Variants in HRG observed in about 807,000 individuals in gnomAD.
HRG encodes the protein histidine rich glycoprotein.
HRG carries 26 observed loss-of-function variants against 29.5 expected under a neutral mutation model. The observed-to-expected ratio is 0.88, with a 90% CI of 0.65 to 1.22. The LOEUF (loss-of-function observed/expected upper bound fraction) is 1.22, where lower values mean the gene tolerates loss of function less well. HRG is among the 50% of genes most tolerant of loss of function. The pLI is 0.00. For synonymous variants in HRG, 243 were observed against 240.4 expected, an observed-to-expected ratio of 1.01 and a Z score of -0.10; for missense variants, 671 against 654.5, an observed-to-expected ratio of 1.03 and a Z score of -0.28.
At chr3:186,666,397 C>T (rs1213599330) in intron 1 of HRG, among the ~76,000 whole-genome samples, 183 bp downstream of exon 1, 1 of 152,232 alleles carries the variant, frequency 6.6e-6, no homozygotes, top group Non-Finnish European at 1.5e-5. Context: ...TTAGTGTACC[C>T]GCAACTATGA....
At chr3:186,676,912 ATC>A in intron 6 of HRG, 133 bp from the exon 7 acceptor site, 1 of 962,312 alleles carries the variant, frequency 1.0e-6, no homozygotes, top group South Asian at 1.4e-5. Flanking sequence ...CAATTTGAGA[ATC>A]TTTTTTCGTA....
intron 3 of HRG, among the ~76,000 whole-genome samples, chr3:186,671,240 GA>G (rs1350886679): frequency 7.1e-4 from 4 of 5,604 alleles, no homozygotes; most frequent in Non-Finnish European, 9.3e-4. Flanking sequence ...CTAAATATAT[GA>G]TTATATAATA....
At chr3:186,668,913 T>G in intron 1 of HRG, 22 bp from the exon 2 acceptor site, 1 of 1,307,068 alleles carries the variant, frequency 7.7e-7, no homozygotes, top group Non-Finnish European at 1.1e-6. Context: ...GCTACTCACA[T>G]GTTGCTTTTG....
chr3:186,677,393 G>GACACCATCCCCATGC lies in HRG; in HGVS notation c.1098_1112dup (p.Ala368_His372dup). ...CATTCCCATGAACAGCATCCCCACG[G>GACACCATCCCCATGC]ACACCATCCCCATGCACACCATCCT... is the stretch of plus-strand genomic sequence containing the variant. On this transcript the variant is annotated inframe_insertion, in exon 7 of 7. Transcript: ENST00000232003. 1 of 1,611,842 alleles carries GACACCATCCCCATGC rather than the reference G, an allele frequency of 6.2e-7. No homozygotes were observed. Among genetic ancestry groups the GACACCATCCCCATGC allele is most frequent in the Non-Finnish European group, 8.5e-7 (1 of 1,179,090 alleles).
At chr3:186,669,451 AT>A in intron 2 of HRG, 2 of 338,504 alleles carry the variant, frequency 5.9e-6, no homozygotes, top group Non-Finnish European at 1.1e-5. Context: ...CAATGGTCCT[AT>A]TTTCAGGAAT....
In HRG at chr3:186,666,338, C is replaced by T. The variant is rs947973355; in HGVS notation, c.183+124C>T. 32 of 913,598 alleles carry T rather than the reference C, an allele frequency of 3.5e-5. No individual in the cohort carries two copies. The African/African-American group carries it at 4.3e-4, about 12-fold the overall frequency. The allele number at this position is 913,598 out of a possible 1,614,324, so 56.6% of individuals were successfully genotyped here. ...TTGGTCAGAGTTTTTTGTTTGGCTT[C>T]TGCGGCTGCTCTAAATTGTTCTTTT... On this transcript the variant is annotated intron_variant, in intron 1 of 6. Transcript: ENST00000232003.
At chr3:186,673,777 C>G (rs1718883500) in intron 5 of HRG, 1 of 152,144 alleles carries the variant, frequency 6.6e-6, no homozygotes, top group South Asian at 2.1e-4. Flanking sequence ...CATACAAAGT[C>G]CAGTGGGATT....
Position 186,669,994 on chromosome 3 carries a change from C to T in HRG, c.357C>T (p.Leu119=), listed in dbSNP as rs1718737213. ...ATRHSHESQD[L]RVIDFNCTTS... is the part of the protein sequence containing the mutation. ...GACATTCCCATGAATCTCAGGACCTCAGAGTGATTGACTTTAACTGCACCA... is the reference window on the plus strand; with the variant it reads ...GACATTCCCATGAATCTCAGGACCTTAGAGTGATTGACTTTAACTGCACCA... The change falls in exon 3 of 7, where the codon CTC becomes CTT. Residue 119 remains leucine, a synonymous_variant. Transcript: ENST00000232003. 1 of 1,595,844 alleles carries T rather than the reference C, an allele frequency of 6.3e-7. No homozygotes were observed.
Position 186,677,681 on chromosome 3 carries a change from A to G in HRG, c.1376A>G (p.Tyr459Cys). ...CATTGCAGACAAATTGGATCTGTGT[A>G]CCGACTCCCTCCTCTAAGAAAAGGT... ...PFHCRQIGSV[Y>C]RLPPLRKGEV... is the part of the protein sequence containing the mutation. Residue 459 changes from tyrosine to cysteine, a missense_variant, in exon 7 of 7, where the codon TAC (tyrosine) becomes TGC (cysteine). Tyr to Cys is a radical substitution (Grantham distance 194). Transcript: ENST00000232003. 3.1e-6 allele frequency: 5 copies of G among 1,613,242 alleles called. No individual in the cohort carries two copies. The highest frequency in any genetic ancestry group is 4.2e-6 in the Non-Finnish European group (5 of 1,179,222).
At position 186,677,098 on chromosome 3, in the gene HRG, T is replaced by C; in HGVS notation, c.793T>C (p.Trp265Arg). The change falls in exon 7 of 7, where the codon TGG becomes CGG. Residue 265 changes from tryptophan (W) to arginine (R), a missense_variant. Physicochemically the swap from Trp to Arg is moderately radical, Grantham distance 101 (BLOSUM62 -3). Coordinates refer to ENST00000232003, the MANE Select transcript of HRG (RefSeq NM_000412.5). ...VPPHLGHPFH[W>R]GGHERSSTTK... is the part of the protein sequence containing the mutation. The stretch of plus-strand genomic sequence containing the variant: ...GCCTCATTTGGGACATCCCTTCCAC[T>C]GGGGTGGGCATGAGCGTTCTTCTAC... The C allele has an allele frequency of 1.9e-6, 3 of 1,614,032 alleles. No homozygotes were observed. The highest frequency in any genetic ancestry group is 2.5e-6 in the Non-Finnish European group (3 of 1,179,966).
chr3:186,666,649 T>C (rs1395481766), intron 1 of HRG, among the ~76,000 whole-genome samples: 1 of 152,148 alleles, frequency 6.6e-6, no homozygotes, highest in Non-Finnish European at 1.5e-5. Context: ...GCGCGGTGGC[T>C]CACGCCTGTA....
chr3:186,667,950 C>G (rs542772765), intron 1 of HRG, among the ~76,000 whole-genome samples: 1 of 152,246 alleles, frequency 6.6e-6, no homozygotes, highest in African/African-American at 2.4e-5. Flanking sequence ...TACTCTCCCT[C>G]TGATGGAAAA....
At chr3:186,669,572 G>C (rs752793558) in intron 2 of HRG, 1 of 368,008 alleles carries the variant, frequency 2.7e-6, no homozygotes, top group African/African-American at 2.1e-5. Context: ...TGACATGCCA[G>C]GCTCTCTGAC....
chr3:186,666,324 T>A (rs1359033532), intron 1 of HRG, 110 bp downstream of exon 1: 13 of 1,162,842 alleles, frequency 1.1e-5, no homozygotes. Flanking sequence ...TGGTCAGAGT[T>A]TTTTGTTTGG....
rs1339994279 is a variant in HRG at position 186,677,198 on chromosome 3, C to T, written c.893C>T (p.Pro298Leu). 12 of 1,613,904 alleles carry T rather than the reference C, an allele frequency of 7.4e-6. No individual in the cohort carries two copies. In the Admixed American group the frequency reaches 1.8e-4, roughly 25 times the overall value. The change falls in exon 7 of 7, where the codon CCA becomes CTA. Residue 298 changes from proline (P) to leucine (L), a missense_variant. Transcript: ENST00000232003. ...HPHKPHEHGPPPPPDERDHSH... is the reference protein window; with the variant it reads ...HPHKPHEHGPLPPPDERDHSH... Reference sequence around the variant, plus strand: ...CACAAGCCACACGAACATGGACCCCCACCTCCTCCAGATGAAAGAGATCAC... The same window carrying T: ...CACAAGCCACACGAACATGGACCCCTACCTCCTCCAGATGAAAGAGATCAC...
chr3:186,676,990 T>C, intron 6 of HRG, 57 bp from the exon 7 acceptor site: 1 of 1,606,912 alleles, frequency 6.2e-7, no homozygotes, highest in Non-Finnish European at 8.5e-7. Context: ...AAGTCAAGTA[T>C]CTAACATCTT....
intron 3 of HRG, among the ~76,000 whole-genome samples, chr3:186,671,251 A>G (rs1718779420): frequency 6.8e-6 from 1 of 146,544 alleles, no homozygotes; most frequent in South Asian, 2.1e-4. Context: ...ATTATATAAT[A>G]TAAAAACATA....
intron 6 of HRG, among the ~76,000 whole-genome samples, chr3:186,676,132 G>T (rs889545150): frequency 6.6e-6 from 1 of 151,974 alleles, no homozygotes; most frequent in South Asian, 2.1e-4. Context: ...GCCTCCCAAA[G>T]TTCTGGGATT....
At chr3:186,676,404 C>T (rs1034239198) in intron 6 of HRG, among the ~76,000 whole-genome samples, 1 of 151,714 alleles carries the variant, frequency 6.6e-6, no homozygotes, top group Non-Finnish European at 1.5e-5. Context: ...TTTTTTATAT[C>T]TAACATTTAT....
Sources: allele counts gnomAD v4.1 joint callset (sites outside exome capture counted in the v4.1 genomes callset), GRCh38; gene constraint gnomAD v4.1.1; transcripts MANE v1.5; gene names NCBI Gene and HGNC (gene_info 2026-07-23, HGNC 2026-07-21).